CNTNAP4: variants seen among roughly 807,000 people sequenced by gnomAD.
CNTNAP4 encodes the protein contactin associated protein family member 4, also known as contactin-associated protein-like 4.
Under a neutral mutation model 148.4 loss-of-function variants are expected in CNTNAP4, and 98 were observed. The ratio of observed to expected loss-of-function variants is 0.66; its 90% CI spans 0.56 to 0.78. The LOEUF is 0.78. CNTNAP4 is among the 30% of genes least tolerant of loss of function. The pLI is 0.00. For missense variants in CNTNAP4, 1,935 were observed against 1,565.6 expected, an observed-to-expected ratio of 1.24 and a Z score of -3.98; for synonymous variants, 730 against 565.1, an observed-to-expected ratio of 1.29 and a Z score of -4.14.
At chr16:76,445,971 A>C (rs964364196) in intron 4 of CNTNAP4, among the ~76,000 whole-genome samples, 2 of 152,324 alleles carry the variant, frequency 1.3e-5, no homozygotes, top group African/African-American at 4.8e-5. Flanking sequence ...ATGCGCATTC[A>C]TTCAGCTATG....
intron 3 of CNTNAP4, among the ~76,000 whole-genome samples, chr16:76,388,858 C>T (rs1255259600): frequency 6.6e-6 from 1 of 152,084 alleles, no homozygotes; most frequent in African/African-American, 2.4e-5. Context: ...CAAGTCTGTC[C>T]CAACATGCTC....
chr16:76,487,849 A>G (rs2082080493), intron 12 of CNTNAP4, among the ~76,000 whole-genome samples: 1 of 152,196 alleles, frequency 6.6e-6, no homozygotes, highest in Non-Finnish European at 1.5e-5. Context: ...AATCTCTTGC[A>G]ACACCTTTAA....
chr16:76,324,055 G>A (rs1469466981), intron 2 of CNTNAP4, among the ~76,000 whole-genome samples: 2 of 152,102 alleles, frequency 1.3e-5, no homozygotes, highest in African/African-American at 4.8e-5. Context: ...AATCTTTAAA[G>A]CATGTGAGTA....
At chr16:76,353,301 T>C (rs2012099081) in intron 2 of CNTNAP4, among the ~76,000 whole-genome samples, 1 of 152,212 alleles carries the variant, frequency 6.6e-6, no homozygotes, top group Non-Finnish European at 1.5e-5. Context: ...ATGCAAGCAG[T>C]CATTAGTGTG....
intron 1 of CNTNAP4, among the ~76,000 whole-genome samples, chr16:76,298,226 C>A (rs1959517118): frequency 1.3e-5 from 2 of 152,142 alleles, no homozygotes; most frequent in African/African-American, 4.8e-5. Flanking sequence ...GCCGGTAGGT[C>A]TTCATCTGGA....
chr16:76,363,096 C>A (rs188519775), intron 3 of CNTNAP4, among the ~76,000 whole-genome samples: 1 of 149,984 alleles, frequency 6.7e-6, no homozygotes, highest in Non-Finnish European at 1.5e-5. Flanking sequence ...TGTATAGTCT[C>A]TTCAACAAAT....
At chr16:76,361,136 T>A (rs1308748133) in intron 3 of CNTNAP4, among the ~76,000 whole-genome samples, 1 of 151,852 alleles carries the variant, frequency 6.6e-6, no homozygotes, top group Non-Finnish European at 1.5e-5. Context: ...TTTTTATAAT[T>A]GTGTTAAAAA....
rs528558819 is a variant in CNTNAP4, at chr16:76,560,249, A to T, written c.*1566A>T. 1.3e-5 allele frequency among the ~76,000 whole-genome samples: 2 copies of T among 152,296 alleles called. No individual in the cohort carries two copies. Among genetic ancestry groups the T allele is most frequent in the Admixed American group, 6.5e-5 (1 of 15,290 alleles). ...GAATCGGGAAATATGTAAATTTAGC[A>T]TTACTATCATCTTATTTTCTATATT... On this transcript the variant is annotated 3_prime_UTR_variant, in exon 24 of 24. Coordinates refer to ENST00000611870, the MANE Select transcript of CNTNAP4 (RefSeq NM_033401.5).
chr16:76,532,925 CG>C (rs1175210535), intron 17 of CNTNAP4, among the ~76,000 whole-genome samples: 2 of 152,084 alleles, frequency 1.3e-5, no homozygotes, highest in Non-Finnish European at 1.5e-5. Flanking sequence ...ACTTCAAGAA[CG>C]GCAGGTCCTC....
chr16:76,370,598 C>T (rs938109668), intron 3 of CNTNAP4, among the ~76,000 whole-genome samples: 3 of 152,178 alleles, frequency 2.0e-5, no homozygotes, highest in African/African-American at 7.2e-5. Context: ...CGTCACTCAG[C>T]CCTCTAATGT....
chr16:76,427,740 G>A, intron 4 of CNTNAP4, 141 bp downstream of exon 4: 1 of 701,870 alleles, frequency 1.4e-6, no homozygotes. Context: ...GCTTTTTTGT[G>A]CATGCCTGTA....
chr16:76,546,542 C>A (rs1186526292), intron 21 of CNTNAP4, among the ~76,000 whole-genome samples: 1 of 152,176 alleles, frequency 6.6e-6, no homozygotes, highest in African/African-American at 2.4e-5. Flanking sequence ...CCAGATGGGA[C>A]CGTCTAGTTA....
chr16:76,364,561 A>G (rs1469347447), intron 3 of CNTNAP4, among the ~76,000 whole-genome samples: 1 of 152,042 alleles, frequency 6.6e-6, no homozygotes, highest in Non-Finnish European at 1.5e-5. Flanking sequence ...CCTTTTCTCT[A>G]TTCCCTCTTA....
At position 76,559,676 on chromosome 16, in the gene CNTNAP4, G is replaced by A. The variant is rs1303884473; in HGVS notation, c.*993G>A. Among the ~76,000 whole-genome samples the A allele has an allele frequency of 1.3e-5, 2 of 151,976 alleles. No homozygotes were observed. Among genetic ancestry groups the A allele is most frequent in the African/African-American group, 4.8e-5 (2 of 41,472 alleles). On this transcript the variant is annotated 3_prime_UTR_variant, in exon 24 of 24. Transcript: ENST00000611870. ...TTTTCTGAAGTTTATCACAAACTTCGCCTTGATCTTCAATGATTATACTTC... is the reference window on the plus strand; with the variant it reads ...TTTTCTGAAGTTTATCACAAACTTCACCTTGATCTTCAATGATTATACTTC...
chr16:76,384,948 A>T (rs144874377), intron 3 of CNTNAP4, among the ~76,000 whole-genome samples: 1 of 152,176 alleles, frequency 6.6e-6, no homozygotes, highest in Non-Finnish European at 1.5e-5. Flanking sequence ...TAAAAAATCA[A>T]TGAGTTAATT....
intron 11 of CNTNAP4, among the ~76,000 whole-genome samples, chr16:76,479,002 C>T (rs556999241): frequency 6.6e-6 from 1 of 152,162 alleles, no homozygotes; most frequent in East Asian, 1.9e-4. Context: ...AAGGAAGTTA[C>T]ACTGTTGTGC....
chr16:76,400,561 A>G (rs903117920), intron 3 of CNTNAP4, among the ~76,000 whole-genome samples: 4 of 152,116 alleles, frequency 2.6e-5, no homozygotes, highest in South Asian at 2.1e-4. Flanking sequence ...CCATTTGTCA[A>G]TATTTGATTT....
At chr16:76,306,036 A>T (rs1001801930) in intron 1 of CNTNAP4, among the ~76,000 whole-genome samples, 9 of 152,188 alleles carry the variant, frequency 5.9e-5, no homozygotes, top group Non-Finnish European at 1.3e-4. Context: ...TATATGTATC[A>T]CAGTTTCTTT....
chr16:76,421,203 G>T (rs2079176045), intron 3 of CNTNAP4, among the ~76,000 whole-genome samples: 1 of 152,012 alleles, frequency 6.6e-6, no homozygotes, highest in South Asian at 2.1e-4. Context: ...TGCACAAGGG[G>T]TCTCATCAAG....
Sources: allele counts gnomAD v4.1 joint callset (sites outside exome capture counted in the v4.1 genomes callset), GRCh38; gene constraint gnomAD v4.1.1; transcripts MANE v1.5; gene names NCBI Gene and HGNC (gene_info 2026-07-23, HGNC 2026-07-21).